Variants in SRGAP3 observed in about 807,000 individuals in gnomAD.
SRGAP3 encodes the protein SLIT-ROBO Rho GTPase activating protein 3, also known as SLIT-ROBO Rho GTPase-activating protein 3.
In SRGAP3, 39 loss-of-function variants were observed where a neutral mutation model predicts 121.1. That is an observed-to-expected ratio of 0.32 (90% CI 0.25 to 0.42). The LOEUF (loss-of-function observed/expected upper bound fraction) is 0.42. Ranked by LOEUF, SRGAP3 falls within the 10% of genes least tolerant of loss-of-function variation. The probability of loss-of-function intolerance (pLI) is 1.00; values close to 1 mark genes in which losing one functional copy is unlikely to be tolerated. For missense variants in SRGAP3, 1,213 were observed against 1,470.6 expected (o/e 0.82, Z 2.86); for synonymous variants, 601 against 570.0 (o/e 1.05, Z -0.77).
upstream of SRGAP3, among the ~76,000 whole-genome samples, chr3:9,251,924 C>T (rs1954027373): frequency 6.6e-6 from 1 of 152,164 alleles, no homozygotes; most frequent in African/African-American, 2.4e-5. Flanking sequence ...TAGTGATCCA[C>T]CCATGGCACA....
chr3:9,283,895 C>T (rs1245469394), intron 3 of SRGAP3, among the ~76,000 whole-genome samples: 1 of 152,204 alleles, frequency 6.6e-6, no homozygotes, highest in Non-Finnish European at 1.5e-5. Flanking sequence ...GGCTTTTTTA[C>T]TGGATGGAGA....
intron 18 of SRGAP3, among the ~76,000 whole-genome samples, chr3:9,009,425 C>T (rs1325767851): frequency 2.6e-5 from 4 of 152,140 alleles, no homozygotes; most frequent in African/African-American, 4.8e-5. Flanking sequence ...CTGCATGGGT[C>T]CCTTCCTCCA....
intron 10 of SRGAP3, among the ~76,000 whole-genome samples, chr3:9,045,417 T>A (rs150242897): frequency 2.7e-4 from 41 of 152,186 alleles, no homozygotes; most frequent in African/African-American, 8.7e-4. Context: ...GAGAGACTGG[T>A]AGAGCAATCT....
intron 1 of SRGAP3, among the ~76,000 whole-genome samples, chr3:9,345,509 G>A (rs1955869168): frequency 6.8e-6 from 1 of 147,914 alleles, no homozygotes; most frequent in South Asian, 2.1e-4. Flanking sequence ...GAGGCCAGGT[G>A]CGGTGGCTAA....
At chr3:9,361,532 A>C (rs1355961814) in intron 1 of SRGAP3, among the ~76,000 whole-genome samples, 1 of 152,186 alleles carries the variant, frequency 6.6e-6, no homozygotes, top group Non-Finnish European at 1.5e-5. Context: ...ATAAAATTCT[A>C]TGCCCCCCAA....
At chr3:9,125,496 T>C (rs1277385614) in intron 1 of SRGAP3, among the ~76,000 whole-genome samples, 1 of 152,242 alleles carries the variant, frequency 6.6e-6, no homozygotes, top group Non-Finnish European at 1.5e-5. Context: ...GGCATGCTTT[T>C]CCCTCGTGGG....
At chr3:9,151,130 G>C (rs1950194716) in intron 1 of SRGAP3, among the ~76,000 whole-genome samples, 1 of 152,320 alleles carries the variant, frequency 6.6e-6, no homozygotes, top group South Asian at 2.1e-4. Flanking sequence ...AGCTAGTGGT[G>C]GGGTGGCAAA....
At chr3:9,028,218 C>G in intron 12 of SRGAP3, 1 of 1,573,320 alleles carries the variant, frequency 6.4e-7, no homozygotes, top group South Asian at 1.1e-5. Flanking sequence ...GCAGATCCTT[C>G]AGAGTCCGTG....
chr3:9,216,385 A>G (rs139136623), intron 1 of SRGAP3, among the ~76,000 whole-genome samples: 109 of 152,316 alleles, frequency 7.2e-4, no homozygotes, highest in African/African-American at 2.5e-3. Flanking sequence ...CTGCAATATA[A>G]GGGACAGTCC....
chr3:9,318,524 T>C (rs1955385950), intron 3 of SRGAP3, among the ~76,000 whole-genome samples: 1 of 151,764 alleles, frequency 6.6e-6, no homozygotes, highest in African/African-American at 2.4e-5. Context: ...TTGCCCTCAC[T>C]TATTTTGGCC....
At chr3:9,124,938 G>T in intron 1 of SRGAP3, 21 bp from the exon 2 acceptor site, 3 of 1,613,632 alleles carry the variant, frequency 1.9e-6, no homozygotes, top group African/African-American at 1.3e-5. Flanking sequence ...ACAAGGGTAG[G>T]AGCATGAGAC....
At chr3:9,226,857 C>T (rs1251485941) in intron 1 of SRGAP3, among the ~76,000 whole-genome samples, 1 of 152,188 alleles carries the variant, frequency 6.6e-6, no homozygotes, top group Non-Finnish European at 1.5e-5. Flanking sequence ...CTCTTCATTT[C>T]ATCGATAACA....
In SRGAP3 at chr3:9,325,498, T is replaced by A. The variant is rs73126624; in HGVS notation, n.442+512A>T. Reference sequence around the variant, plus strand: ...ATTTAGCATAACTTTCACATAAGAATTTAAAGTCTGTTATGTATGATGGCC... The same window carrying A: ...ATTTAGCATAACTTTCACATAAGAAATTAAAGTCTGTTATGTATGATGGCC... On this transcript the variant is annotated intron_variant and non_coding_transcript_variant, in intron 3 of 3. Transcript: ENST00000490889. 5.4e-3 allele frequency among the ~76,000 whole-genome samples: 815 copies of A among 152,074 alleles called. 10 individuals carry two copies. Among genetic ancestry groups the A allele is most frequent in the African/African-American group, 0.019 (783 of 41,572 alleles).
At chr3:9,229,400 G>C (rs1448538657) in intron 1 of SRGAP3, among the ~76,000 whole-genome samples, 3 of 152,176 alleles carry the variant, frequency 2.0e-5, no homozygotes, top group Non-Finnish European at 2.9e-5. Flanking sequence ...ACCCACTCCA[G>C]ATCAGCTTCC....
intron 2 of SRGAP3, among the ~76,000 whole-genome samples, chr3:9,116,126 C>G (rs1296318570): frequency 6.6e-6 from 1 of 152,090 alleles, no homozygotes; most frequent in Non-Finnish European, 1.5e-5. Context: ...CTTAAAATAC[C>G]CAGCCTTTGT....
At chr3:8,992,550 T>C (rs1942119701) in intron 20 of SRGAP3, 1 of 413,252 alleles carries the variant, frequency 2.4e-6, no homozygotes, top group Admixed American at 3.7e-5. Context: ...TTTTTAAATA[T>C]AACAACTCAG....
intron 3 of SRGAP3, among the ~76,000 whole-genome samples, chr3:9,306,207 T>A (rs567677528): frequency 2.8e-4 from 42 of 152,364 alleles, no homozygotes; most frequent in Admixed American, 2.5e-3. Flanking sequence ...TGCATAAATG[T>A]CTTCTTTTGA....
chr3:9,017,563 G>T (rs1400517882), intron 14 of SRGAP3, among the ~76,000 whole-genome samples: 3 of 152,130 alleles, frequency 2.0e-5, no homozygotes, highest in African/African-American at 7.2e-5. Flanking sequence ...GTAGATCAGT[G>T]GTTGCCTAGG....
chr3:9,119,457 C>T (rs566843352), intron 2 of SRGAP3, among the ~76,000 whole-genome samples: 1 of 152,344 alleles, frequency 6.6e-6, no homozygotes, highest in Non-Finnish European at 1.5e-5. Context: ...CTTCCATCCC[C>T]CTCCACTGCT....
Sources: gnomAD v4.1 joint callset for allele counts (sites outside exome capture counted in the v4.1 genomes callset) on GRCh38, gnomAD v4.1.1 for gene constraint, MANE v1.5 for transcripts, NCBI Gene and HGNC (gene_info 2026-07-23, HGNC 2026-07-21) for gene names.